IP6K1: variants seen among roughly 807,000 people sequenced by gnomAD.
IP6K1 encodes the protein ATP:1D-myo-inositol-hexakisphosphate phosphotransferase.
Under a neutral mutation model 38.3 loss-of-function variants are expected in IP6K1, and 13 were observed. That is an observed-to-expected ratio of 0.34 (90% confidence interval 0.22 to 0.54). The LOEUF is 0.54. IP6K1 is among the 20% of genes least tolerant of loss of function. The pLI is 0.92. For missense variants in IP6K1, 397 were observed against 599.8 expected (o/e 0.66, Z 3.53); for synonymous variants, 212 against 229.9 (o/e 0.92, Z 0.70).
chr3:49,752,656 A>C (rs2080788613), intron 1 of IP6K1, among the ~76,000 whole-genome samples: 1 of 151,232 alleles, frequency 6.6e-6, no homozygotes, highest in South Asian at 2.1e-4. Flanking sequence ...GGGGTTTCTC[A>C]TGTTGGCCAG....
At chr3:49,777,969 A>G (rs1337642582) in intron 1 of IP6K1, among the ~76,000 whole-genome samples, 3 of 152,124 alleles carry the variant, frequency 2.0e-5, no homozygotes, top group African/African-American at 4.8e-5. Context: ...ATCAGAGATC[A>G]GCTGGCCATT....
In IP6K1 at chr3:49,727,309, TTGCTGGGGCTGG is replaced by T. The variant is rs1559700279; in HGVS notation, c.1127_1138del (p.Thr376_Ser379del). 3 of 1,614,136 alleles carry T rather than the reference TTGCTGGGGCTGG, an allele frequency of 1.9e-6. No individual in the cohort carries two copies. The highest frequency in any genetic ancestry group is 1.7e-6 in the Non-Finnish European group (2 of 1,180,022). ...GGAGGGACCCGCCTCGGGGCTGGTG[TTGCTGGGGCTGG>T]TGCTGGGGCCACAGGATGACGCCAC... On this transcript the variant is annotated inframe_deletion, in exon 6 of 6. Transcript: ENST00000321599. This position sits in a 1 kb window ranked among gnomAD's most constrained non-coding sequence, Gnocchi z 5.9.
chr3:49,760,775 C>T (rs1261697026), intron 1 of IP6K1, among the ~76,000 whole-genome samples: 2 of 152,084 alleles, frequency 1.3e-5, no homozygotes, highest in South Asian at 2.1e-4. Context: ...AGGAATTAAA[C>T]AGCCTGAACA....
At chr3:49,741,914 A>C (rs1471183918) in intron 2 of IP6K1, among the ~76,000 whole-genome samples, 1 of 152,134 alleles carries the variant, frequency 6.6e-6, no homozygotes, top group Non-Finnish European at 1.5e-5. Flanking sequence ...AGTCTCTAGC[A>C]CTGGTTCAGT....
intron 1 of IP6K1, among the ~76,000 whole-genome samples, chr3:49,752,174 T>A (rs1315885250): frequency 6.6e-6 from 1 of 150,920 alleles, no homozygotes; most frequent in African/African-American, 2.4e-5. Flanking sequence ...CCGGCTAACT[T>A]AAAAAAATTT....
intron 1 of IP6K1, among the ~76,000 whole-genome samples, chr3:49,761,451 A>G (rs933531722): frequency 4.0e-5 from 6 of 151,764 alleles, no homozygotes; most frequent in Non-Finnish European, 5.9e-5. Context: ...CATCTCTACT[A>G]AAAATACAAA....
At chr3:49,770,044 T>C (rs1274121841) in intron 1 of IP6K1, among the ~76,000 whole-genome samples, 10 of 151,854 alleles carry the variant, frequency 6.6e-5, no homozygotes, top group East Asian at 3.9e-4. Flanking sequence ...CTACAAAACA[T>C]AGAAAAAACT....
chr3:49,754,683 AGACT>A (rs746404908), intron 1 of IP6K1, among the ~76,000 whole-genome samples: 2 of 152,176 alleles, frequency 1.3e-5, no homozygotes, highest in African/African-American at 2.4e-5. Flanking sequence ...AGGGAAAAAG[AGACT>A]GCAATCAGAT....
Position 49,724,921 on chromosome 3 carries a change from ATGTTGCACTT to A in IP6K1, c.*2191_*2200del, listed in dbSNP as rs1364610091. ...CCTGAGCACCCCAACCCATGATCCC[ATGTTGCACTT>A]TGTTCCCAAGTTGGGGCTAAGAAGG... On this transcript the variant is annotated 3_prime_UTR_variant, in exon 6 of 6. Coordinates refer to ENST00000321599, the MANE Select transcript of IP6K1 (RefSeq NM_153273.4). The A allele has an allele frequency of 6.5e-6, 1 of 152,742 alleles. No individual in the cohort carries two copies. Among genetic ancestry groups the A allele is most frequent in the Non-Finnish European group, 1.5e-5 (1 of 68,118 alleles). 9.5% of individuals were successfully genotyped at this position (152,742 alleles called of 1,614,324 possible). A position where few individuals can be genotyped will look rare whatever the true frequency, so the allele number is the denominator to read the frequency against.
At chr3:49,771,646 T>G (rs2080960813) in intron 1 of IP6K1, among the ~76,000 whole-genome samples, 1 of 152,210 alleles carries the variant, frequency 6.6e-6, no homozygotes. Context: ...GTATTATAGT[T>G]TCCTATAAAG....
intron 4 of IP6K1, among the ~76,000 whole-genome samples, chr3:49,732,525 A>T (rs2080571363): frequency 6.6e-6 from 1 of 152,270 alleles, no homozygotes; most frequent in Admixed American, 6.5e-5. Flanking sequence ...AGTGGCTACC[A>T]TACTGAAAAG....
chr3:49,725,658 T>A lies in IP6K1; in HGVS notation c.*1464A>T, dbSNP rs2080493370. On this transcript the variant is annotated 3_prime_UTR_variant, in exon 6 of 6. Transcript: ENST00000321599. ...AAGGAGAGGGTGCTAACCTTGGCAA[T>A]GGCTGAAATCGGTGTCACCTCCTGG... The A allele has an allele frequency of 6.5e-6, 1 of 152,710 alleles. No individual in the cohort carries two copies. 9.5% of individuals were successfully genotyped at this position (152,710 alleles called of 1,614,324 possible). A position where few individuals can be genotyped will look rare whatever the true frequency, so the allele number is the denominator to read the frequency against.
At chr3:49,771,042 C>T (rs1023283322) in intron 1 of IP6K1, among the ~76,000 whole-genome samples, 1 of 151,512 alleles carries the variant, frequency 6.6e-6, no homozygotes, top group Non-Finnish European at 1.5e-5. Context: ...TCGTTTAAGC[C>T]CAGGAGTTAG....
chr3:49,742,442 G>C (rs556165431), intron 2 of IP6K1, among the ~76,000 whole-genome samples: 1 of 152,056 alleles, frequency 6.6e-6, no homozygotes, highest in African/African-American at 2.4e-5. Flanking sequence ...CCAACTACTC[G>C]GGAGGCTGAG....
At position 49,783,450 on chromosome 3, in the gene IP6K1, C is replaced by T. The variant is rs543067950; in HGVS notation, c.-129+2904G>A. ...TATTTTTGCTGGGTGCAGTAGCTCT[C>T]GCCTGTAATCCCAGCACTTTGGGAG... On this transcript the variant is annotated intron_variant, in intron 1 of 5. Transcript: ENST00000321599. Among the ~76,000 whole-genome samples the T allele has an allele frequency of 5.3e-5, 8 of 151,772 alleles. No individual in the cohort carries two copies. The South Asian group carries it at 1.7e-3, about 32-fold the overall frequency.
Position 49,784,806 on chromosome 3 carries a change from G to A in IP6K1, c.-129+1548C>T, listed in dbSNP as rs557423533. On this transcript the variant is annotated intron_variant, in intron 1 of 5. Transcript: ENST00000321599. ...CTAAAAATACAAAAATTAGCCAGGTGTGGTGGCACGTGCCTGTAGTCCCAG... is the reference window on the plus strand; with the variant it reads ...CTAAAAATACAAAAATTAGCCAGGTATGGTGGCACGTGCCTGTAGTCCCAG... Among the ~76,000 whole-genome samples, 151 of 150,380 alleles carry A rather than the reference G, an allele frequency of 1.0e-3. No homozygotes were observed. The Middle Eastern group carries it at 0.011, about 11-fold the overall frequency.
chr3:49,774,488 G>T (rs977787463), intron 1 of IP6K1, among the ~76,000 whole-genome samples: 2 of 146,442 alleles, frequency 1.4e-5, no homozygotes, highest in Admixed American at 1.4e-4. Flanking sequence ...TACAGAGTAA[G>T]ACCATGTAGT....
At chr3:49,737,750 T>C (rs2080625627) in intron 3 of IP6K1, among the ~76,000 whole-genome samples, 1 of 152,192 alleles carries the variant, frequency 6.6e-6, no homozygotes, top group Non-Finnish European at 1.5e-5. Context: ...AACTAAATTT[T>C]AGTTGCAGGG....
chr3:49,760,422 A>G (rs2080858096), intron 1 of IP6K1, among the ~76,000 whole-genome samples: 1 of 152,042 alleles, frequency 6.6e-6, no homozygotes, highest in South Asian at 2.1e-4. Flanking sequence ...TCAGGAGTTC[A>G]AGAACAGTCT....
Sources: gnomAD v4.1 joint callset for allele counts (sites outside exome capture counted in the v4.1 genomes callset) on GRCh38, gnomAD v4.1.1 for gene constraint, Gnocchi (gnomAD v3.1) non-coding constraint, MANE v1.5 for transcripts, NCBI Gene and HGNC (gene_info 2026-07-23, HGNC 2026-07-21) for gene names.